Variants in GALNTL6 observed in about 807,000 individuals in gnomAD.
The protein encoded by GALNTL6 is polypeptide N-acetylgalactosaminyltransferase like 6, also known as polypeptide N-acetylgalactosaminyltransferase-like 6.
A neutral mutation model predicts 73.7 loss-of-function variants in GALNTL6; 46 were observed. That is an observed-to-expected ratio of 0.62 (90% CI 0.49 to 0.80). GALNTL6 has a LOEUF of 0.80. Among genes scored for constraint, GALNTL6 ranks in the 30% least tolerant of loss-of-function variants. The pLI is 0.00. For missense variants in GALNTL6, 604 were observed against 755.0 expected (o/e 0.80, Z 2.34); for synonymous variants, 259 against 263.7 (o/e 0.98, Z 0.17).
chr4:172,159,891 A>G (rs1171773762), intron 2 of GALNTL6, among the ~76,000 whole-genome samples: 1 of 152,164 alleles, frequency 6.6e-6, no homozygotes, highest in Non-Finnish European at 1.5e-5. Flanking sequence ...AATACAGGTG[A>G]GAAATGATGG....
chr4:172,206,954 A>G (rs1736151927), intron 2 of GALNTL6, among the ~76,000 whole-genome samples: 1 of 151,090 alleles, frequency 6.6e-6, no homozygotes, highest in Non-Finnish European at 1.5e-5. Flanking sequence ...AGTAGCTGGG[A>G]CTACAGGCAC....
chr4:172,616,299 G>T (rs1464495909), intron 5 of GALNTL6, among the ~76,000 whole-genome samples: 1 of 151,966 alleles, frequency 6.6e-6, no homozygotes, highest in East Asian at 1.9e-4. Context: ...CAGTTGTTTG[G>T]TTTTTTGTTT....
At chr4:172,444,800 G>A (rs1333224742) in intron 5 of GALNTL6, among the ~76,000 whole-genome samples, 1 of 151,990 alleles carries the variant, frequency 6.6e-6, no homozygotes, top group African/African-American at 2.4e-5. Context: ...ATCCTTAATA[G>A]CTTCTATGTT....
intron 5 of GALNTL6, among the ~76,000 whole-genome samples, chr4:172,427,171 C>T (rs959583947): frequency 6.6e-6 from 1 of 152,034 alleles, no homozygotes; most frequent in Non-Finnish European, 1.5e-5. Context: ...CTTCACGCTG[C>T]TCATAAAGAC....
At chr4:171,841,833 C>T (rs1186436337) in intron 2 of GALNTL6, among the ~76,000 whole-genome samples, 1 of 151,682 alleles carries the variant, frequency 6.6e-6, no homozygotes, top group African/African-American at 2.4e-5. Flanking sequence ...AAAAATAAAA[C>T]TAAGTATAGC....
chr4:172,860,205 C>T (rs1744327303), intron 7 of GALNTL6, among the ~76,000 whole-genome samples: 1 of 152,132 alleles, frequency 6.6e-6, no homozygotes, highest in African/African-American at 2.4e-5. Flanking sequence ...ATATTGTTCA[C>T]TGATGAGATT....
intron 5 of GALNTL6, among the ~76,000 whole-genome samples, chr4:172,676,347 T>A (rs1732300536): frequency 1.3e-5 from 2 of 152,254 alleles, no homozygotes; most frequent in Admixed American, 1.3e-4. Context: ...TTGACTTCTC[T>A]CTGGTACTTC....
At chr4:172,305,882 C>G (rs569202009) in intron 3 of GALNTL6, among the ~76,000 whole-genome samples, 136 of 152,190 alleles carry the variant, frequency 8.9e-4, no homozygotes, top group African/African-American at 2.9e-3. Context: ...TCATGAGATT[C>G]ATCACTCTGA....
At position 171,818,313 on chromosome 4, in the gene GALNTL6, A is replaced by G. The variant is rs544758635; in HGVS notation, c.138+3595A>G. Among the ~76,000 whole-genome samples the G allele has an allele frequency of 3.3e-5, 5 of 152,002 alleles. No individual in the cohort carries two copies. The South Asian group carries it at 1.0e-3, about 31-fold the overall frequency. ...TCACTTATTCAAGAATATGTGAAAA[A>G]AAATCTAGCACCAAATACTTTCTTT... is the stretch of plus-strand genomic sequence containing the variant. On this transcript the variant is annotated intron_variant, in intron 2 of 12. Transcript: ENST00000506823.
At chr4:172,108,136 T>C (rs553867172) in intron 2 of GALNTL6, among the ~76,000 whole-genome samples, 3 of 152,260 alleles carry the variant, frequency 2.0e-5, no homozygotes, top group Admixed American at 2.0e-4. Flanking sequence ...TATATTTAAA[T>C]TTACAAACTT....
Position 171,833,722 on chromosome 4 carries a change from A to G in GALNTL6, c.138+19004A>G, listed in dbSNP as rs182908047. 7.2e-5 allele frequency among the ~76,000 whole-genome samples: 11 copies of G among 152,000 alleles called. No homozygotes were observed. In the East Asian group the frequency reaches 1.9e-3, roughly 27 times the overall value. ...AATTAGCCTTGGTGTATGGGTTTAT[A>G]TTAGCATAGACTTTGAGCTATGGAA... On this transcript the variant is annotated intron_variant, in intron 2 of 12. Coordinates refer to ENST00000506823, the MANE Select transcript of GALNTL6 (RefSeq NM_001034845.3).
chr4:172,531,171 C>A (rs1201512808), intron 5 of GALNTL6, among the ~76,000 whole-genome samples: 2 of 152,074 alleles, frequency 1.3e-5, no homozygotes, highest in South Asian at 2.1e-4. Flanking sequence ...TTCTGTTTCT[C>A]GGGGAAACTA....
chr4:172,881,258 TGAAAAATGG>T (rs1745437676), intron 7 of GALNTL6, among the ~76,000 whole-genome samples: 1 of 152,104 alleles, frequency 6.6e-6, no homozygotes, highest in Non-Finnish European at 1.5e-5. Flanking sequence ...ATTCAGTGGG[TGAAAAATGG>T]GAAAAGATCA....
intron 5 of GALNTL6, among the ~76,000 whole-genome samples, chr4:172,755,237 T>TATAGATAGATAGATAGATAGATAG (rs58940503): frequency 1.2e-3 from 172 of 145,662 alleles, no homozygotes; most frequent in Non-Finnish European, 1.5e-3. Context: ...AAATGACAGA[T>TATAGATAGATAGATAGATAGATAG]ATAGATAGAT....
chr4:172,387,173 A>G (rs560409276), intron 5 of GALNTL6, among the ~76,000 whole-genome samples: 3 of 152,286 alleles, frequency 2.0e-5, no homozygotes, highest in African/African-American at 7.2e-5. Flanking sequence ...TGGTTTCAAC[A>G]TAGAAATTTG....
At position 172,687,944 on chromosome 4, in the gene GALNTL6, G is replaced by C. The variant is rs79700932; in HGVS notation, c.554-121417G>C. 4.1e-3 allele frequency among the ~76,000 whole-genome samples: 617 copies of C among 152,196 alleles called. 3 individuals carry two copies. The highest frequency in any genetic ancestry group is 0.014 in the African/African-American group (579 of 41,528). Reference sequence around the variant, plus strand: ...TTACTTAGAGAAACTCAATGTGTATGGCCTGTCTTAACTATTTTCCTTAAA... The same window carrying C: ...TTACTTAGAGAAACTCAATGTGTATCGCCTGTCTTAACTATTTTCCTTAAA... On this transcript the variant is annotated intron_variant, in intron 5 of 12. Coordinates refer to ENST00000506823, the MANE Select transcript of GALNTL6 (RefSeq NM_001034845.3).
At chr4:172,519,831 A>G (rs1041248673) in intron 5 of GALNTL6, among the ~76,000 whole-genome samples, 2 of 151,778 alleles carry the variant, frequency 1.3e-5, no homozygotes, top group Non-Finnish European at 3.0e-5. Flanking sequence ...GAAACAAACT[A>G]ATAAATCTAA....
intron 5 of GALNTL6, among the ~76,000 whole-genome samples, chr4:172,442,119 A>G (rs1432062501): frequency 6.6e-6 from 1 of 152,180 alleles, no homozygotes; most frequent in Non-Finnish European, 1.5e-5. Flanking sequence ...GTTGATGAAG[A>G]TGTTTTGATC....
chr4:172,861,424 CAGGTAT>C (rs1315890110), intron 7 of GALNTL6, among the ~76,000 whole-genome samples: 1 of 150,868 alleles, frequency 6.6e-6, no homozygotes, highest in African/African-American at 2.4e-5. Context: ...TTGATTAATC[CAGGTAT>C]AGATCATAAG....
Sources: gnomAD v4.1 joint callset for allele counts (sites outside exome capture counted in the v4.1 genomes callset) on GRCh38, gnomAD v4.1.1 for gene constraint, MANE v1.5 for transcripts, NCBI Gene and HGNC (gene_info 2026-07-23, HGNC 2026-07-21) for gene names.